Variants in UGGT2 observed in about 807,000 individuals in gnomAD.
UGGT2 encodes the protein UDP-glucose glycoprotein glucosyltransferase 2.
In UGGT2, 180 loss-of-function variants were observed where a neutral mutation model predicts 192.1. The observed-to-expected ratio is 0.94, with a 90% CI of 0.83 to 1.06. The LOEUF (loss-of-function observed/expected upper bound fraction) is 1.06. Among genes scored for constraint, UGGT2 ranks in the 50% least tolerant of loss-of-function variants. The probability of loss-of-function intolerance (pLI) is 0.00; values close to 1 mark genes in which losing one functional copy is unlikely to be tolerated. For synonymous variants in UGGT2, 580 were observed against 591.0 expected (o/e 0.98, Z 0.27); for missense variants, 1,849 against 1,795.7 (o/e 1.03, Z -0.54).
At chr13:95,927,629 TTTTG>T (rs370414668) in intron 17 of UGGT2, among the ~76,000 whole-genome samples, 633 of 152,256 alleles carry the variant, frequency 4.2e-3, no homozygotes, top group African/African-American at 8.5e-3. Context: ...CACTGAATTT[TTTTG>T]TTTGTTTGTT....
chr13:95,986,257 G>A, intron 9 of UGGT2, 76 bp downstream of exon 9: 1 of 1,037,922 alleles, frequency 9.6e-7, no homozygotes, highest in Non-Finnish European at 1.5e-6. Context: ...CATGTTAAAT[G>A]AAATCAGCTA....
chr13:95,932,759 GT>G (rs1415131023), intron 17 of UGGT2, among the ~76,000 whole-genome samples: 1 of 152,128 alleles, frequency 6.6e-6, no homozygotes, highest in Non-Finnish European at 1.5e-5. Context: ...TTTGAGGTAT[GT>G]TCCTTCAATG....
intron 2 of UGGT2, among the ~76,000 whole-genome samples, chr13:96,028,909 G>A (rs907703019): frequency 6.6e-6 from 1 of 152,112 alleles, no homozygotes; most frequent in Non-Finnish European, 1.5e-5. Flanking sequence ...ACTTTGGGAG[G>A]CCGAGGTGGG....
At chr13:96,036,557 A>C (rs2053008895) in intron 1 of UGGT2, among the ~76,000 whole-genome samples, 1 of 151,192 alleles carries the variant, frequency 6.6e-6, no homozygotes, top group Non-Finnish European at 1.5e-5. Context: ...TGGAACTTAA[A>C]AGTTCAAGTA....
chr13:95,849,613 T>A (rs1888825140), intron 36 of UGGT2, among the ~76,000 whole-genome samples: 1 of 151,664 alleles, frequency 6.6e-6, no homozygotes, highest in Non-Finnish European at 1.5e-5. Flanking sequence ...TCTTTTATTA[T>A]ATTTATTCTT....
chr13:95,913,540 C>G (rs952981010), intron 20 of UGGT2, among the ~76,000 whole-genome samples: 2 of 152,158 alleles, frequency 1.3e-5, no homozygotes, highest in Non-Finnish European at 2.9e-5. Flanking sequence ...AATGAGATAC[C>G]ATCTCACACC....
intron 4 of UGGT2, among the ~76,000 whole-genome samples, chr13:96,017,565 C>G (rs998641422): frequency 6.6e-6 from 1 of 152,180 alleles, no homozygotes; most frequent in Non-Finnish European, 1.5e-5. Flanking sequence ...AACACAAAAA[C>G]AGCCTAACAC....
intron 27 of UGGT2, among the ~76,000 whole-genome samples, chr13:95,880,225 TTGTC>T (rs1460213836): frequency 6.6e-6 from 1 of 152,224 alleles, no homozygotes; most frequent in African/African-American, 2.4e-5. Context: ...TTGTTAACAA[TTGTC>T]TGTAAATATG....
intron 1 of UGGT2, among the ~76,000 whole-genome samples, chr13:96,037,532 G>A (rs2053040845): frequency 6.6e-6 from 1 of 152,082 alleles, no homozygotes; most frequent in South Asian, 2.1e-4. Context: ...CTTTATACAG[G>A]GGACATACCT....
chr13:96,033,648 C>T (rs1471284230), intron 1 of UGGT2, among the ~76,000 whole-genome samples: 1 of 152,216 alleles, frequency 6.6e-6, no homozygotes, highest in Non-Finnish European at 1.5e-5. Context: ...CTCTTCTCTG[C>T]TCCCAATCCC....
At chr13:95,886,973 T>G (rs967734676) in intron 26 of UGGT2, among the ~76,000 whole-genome samples, 6 of 152,242 alleles carry the variant, frequency 3.9e-5, no homozygotes, top group Admixed American at 6.5e-5. Context: ...GAAAATCACC[T>G]GAGCCTGAGA....
At chr13:95,802,470 GA>G (rs1386822940) in intron 38 of UGGT2, among the ~76,000 whole-genome samples, 1 of 152,142 alleles carries the variant, frequency 6.6e-6, no homozygotes. Flanking sequence ...AATTCTACTG[GA>G]AAGATAATAA....
At chr13:95,845,455 A>C (rs896999098) in intron 36 of UGGT2, among the ~76,000 whole-genome samples, 3 of 148,246 alleles carry the variant, frequency 2.0e-5, no homozygotes, top group African/African-American at 2.5e-5. Flanking sequence ...TTAGTGGACA[A>C]AGCACATGTT....
intron 20 of UGGT2, among the ~76,000 whole-genome samples, chr13:95,915,436 A>G (rs2048650829): frequency 6.6e-6 from 1 of 152,264 alleles, no homozygotes; most frequent in African/African-American, 2.4e-5. Context: ...TTTAACCTGC[A>G]CAAGAGAAAA....
intron 36 of UGGT2, among the ~76,000 whole-genome samples, chr13:95,841,167 G>C (rs1023330038): frequency 6.6e-6 from 1 of 152,126 alleles, no homozygotes; most frequent in East Asian, 1.9e-4. Flanking sequence ...GTATACCTAC[G>C]TAACAAACCT....
At position 96,047,582 on chromosome 13, in the gene UGGT2, G is replaced by A. The variant is rs140446069; in HGVS notation, c.158+5573C>T. 1.1e-3 allele frequency among the ~76,000 whole-genome samples: 172 copies of A among 152,236 alleles called. 1 individual carries two copies. Among genetic ancestry groups the A allele is most frequent in the African/African-American group, 3.8e-3 (157 of 41,538 alleles). ...AGTGCCTCTTCTCCTCCAAAGGAACGCAGCTCCTTGCTATGTGAGAGAGAC... is the reference window on the plus strand; with the variant it reads ...AGTGCCTCTTCTCCTCCAAAGGAACACAGCTCCTTGCTATGTGAGAGAGAC... On this transcript the variant is annotated intron_variant, in intron 1 of 38. Coordinates refer to ENST00000376747, the MANE Select transcript of UGGT2 (RefSeq NM_020121.4).
At chr13:96,019,089 G>GA (rs965786176) in intron 4 of UGGT2, among the ~76,000 whole-genome samples, 233 of 81,846 alleles carry the variant, frequency 2.8e-3, no homozygotes, top group African/African-American at 0.011. Flanking sequence ...TTCACAAAAG[G>GA]AAAAAAAAAA....
chr13:95,994,912 T>C (rs768293888), intron 7 of UGGT2, among the ~76,000 whole-genome samples: 1 of 152,066 alleles, frequency 6.6e-6, no homozygotes, highest in Non-Finnish European at 1.5e-5. Flanking sequence ...AAATAATTTA[T>C]TCTGGGTAAA....
intron 7 of UGGT2, among the ~76,000 whole-genome samples, chr13:95,992,840 T>G (rs1594528206): frequency 6.6e-6 from 1 of 152,140 alleles, no homozygotes; most frequent in Non-Finnish European, 1.5e-5. Context: ...GTAAATTAGA[T>G]CAGCCACTGC....
Sources: allele counts gnomAD v4.1 joint callset (sites outside exome capture counted in the v4.1 genomes callset), GRCh38; gene constraint gnomAD v4.1.1; transcripts MANE v1.5; gene names NCBI Gene and HGNC (gene_info 2026-07-23, HGNC 2026-07-21).